TSPAN14: variants seen among roughly 807,000 people sequenced by gnomAD.
The protein encoded by TSPAN14 is tetraspanin 14.
Under a neutral mutation model 36.6 loss-of-function variants are expected in TSPAN14, and 16 were observed. The ratio of observed to expected loss-of-function variants is 0.44; its 90% CI spans 0.30 to 0.66. TSPAN14 has a LOEUF of 0.66. Ranked by LOEUF, TSPAN14 falls within the 30% of genes least tolerant of loss-of-function variation. The pLI is 0.12. For synonymous variants in TSPAN14, 139 were observed against 143.8 expected, an observed-to-expected ratio of 0.97 and a Z score of 0.24; for missense variants, 231 against 355.1, an observed-to-expected ratio of 0.65 and a Z score of 2.81.
At chr10:80,457,574 G>GTGGA (rs1351254544) in intron 1 of TSPAN14, among the ~76,000 whole-genome samples, 1 of 152,244 alleles carries the variant, frequency 6.6e-6, no homozygotes, top group Non-Finnish European at 1.5e-5. Context: ...CTGGCCCACA[G>GTGGA]TGGAACTAAT....
chr10:80,468,293 A>G (rs1846350318), intron 1 of TSPAN14, among the ~76,000 whole-genome samples: 1 of 152,028 alleles, frequency 6.6e-6, no homozygotes, highest in African/African-American at 2.4e-5. Flanking sequence ...TTCTGCCGGC[A>G]CGAACACAGG....
intron 1 of TSPAN14, among the ~76,000 whole-genome samples, chr10:80,481,253 A>C (rs998887952): frequency 1.3e-5 from 2 of 152,222 alleles, no homozygotes; most frequent in Non-Finnish European, 2.9e-5. Flanking sequence ...AATTCTGTGC[A>C]CTGGTCCAGA....
intron 7 of TSPAN14, chr10:80,515,900 CT>C: frequency 3.0e-6 from 1 of 333,000 alleles, no homozygotes; most frequent in East Asian, 5.3e-5. Context: ...AGCCCCTTCT[CT>C]TTCTCCAGAT....
rs528194058 is a variant in TSPAN14, at chr10:80,520,206, C to T, written c.*2230C>T. 68 of 178,152 alleles carry T rather than the reference C, an allele frequency of 3.8e-4. 2 individuals are homozygous for T. In the South Asian group the frequency reaches 7.4e-3, roughly 19 times the overall value. 11.0% of individuals were successfully genotyped at this position (178,152 alleles called of 1,614,324 possible). Reference sequence around the variant, plus strand: ...TCCCTGCCAGAGCTCCTGGAAGGCTCCTGCAGGCCTGACCCATCTATTCCT... The same window carrying T: ...TCCCTGCCAGAGCTCCTGGAAGGCTTCTGCAGGCCTGACCCATCTATTCCT... On this transcript the variant is annotated 3_prime_UTR_variant, in exon 9 of 9. Coordinates refer to ENST00000429989, the Ensembl canonical transcript of TSPAN14.
At chr10:80,478,249 C>T (rs1201751488) in intron 1 of TSPAN14, among the ~76,000 whole-genome samples, 2 of 151,922 alleles carry the variant, frequency 1.3e-5, no homozygotes, top group Admixed American at 6.6e-5. Flanking sequence ...AAAATAAGAG[C>T]AGAGCAAAGA....
intron 2 of TSPAN14, among the ~76,000 whole-genome samples, chr10:80,500,558 A>ACCT (rs1320954981): frequency 6.6e-6 from 1 of 151,658 alleles, no homozygotes; most frequent in African/African-American, 2.4e-5. Context: ...CAAACTCTTG[A>ACCT]CCTCAGGTGA....
rs1056404202 is a variant in TSPAN14, at chr10:80,493,156, C to T, written c.81+3842C>T. On this transcript the variant is annotated intron_variant, in intron 2 of 8. Coordinates refer to ENST00000429989, the Ensembl canonical transcript of TSPAN14. The stretch of plus-strand genomic sequence containing the variant: ...GGTTGTGCTAGACCTGTTTTTAGTG[C>T]AAAAATCTCACTTTGACTTAGGAAA... Among the ~76,000 whole-genome samples the T allele has an allele frequency of 2.0e-5, 3 of 152,052 alleles. No homozygotes were observed. In the East Asian group the frequency reaches 5.8e-4, roughly 29 times the overall value.
chr10:80,473,844 C>T (rs1846703386), intron 1 of TSPAN14, among the ~76,000 whole-genome samples: 1 of 151,896 alleles, frequency 6.6e-6, no homozygotes, highest in Non-Finnish European at 1.5e-5. Context: ...ATGGACAGTT[C>T]TGGCTCTAAG....
intron 1 of TSPAN14, among the ~76,000 whole-genome samples, chr10:80,482,731 C>CTTTTT (rs1847353650): frequency 7.5e-6 from 1 of 132,732 alleles, no homozygotes; most frequent in East Asian, 2.0e-4. Context: ...CTTTTCTTTT[C>CTTTTT]CTTTTTTTTT....
intron 5 of TSPAN14, among the ~76,000 whole-genome samples, chr10:80,511,711 CCTCTCTCTCTCTCTCTCTCTCTCTCTCT>C (rs56307745): frequency 0.094 from 2,414 of 25,808 alleles, 64 homozygotes; most frequent in Middle Eastern, 0.16. Context: ...AAGGGCAGGT[CCTCTCTCTCTCTCTCTCTCTCTCTCTCT>C]CTCTCTCTCT....
At chr10:80,467,915 C>T (rs985403691) in intron 1 of TSPAN14, among the ~76,000 whole-genome samples, 1 of 152,138 alleles carries the variant, frequency 6.6e-6, no homozygotes, top group African/African-American at 2.4e-5. Flanking sequence ...AAGTGGAATC[C>T]AGGGAGAGGG....
intron 1 of TSPAN14, among the ~76,000 whole-genome samples, chr10:80,468,955 C>T (rs1846388554): frequency 6.6e-6 from 1 of 152,160 alleles, no homozygotes; most frequent in Non-Finnish European, 1.5e-5. Flanking sequence ...GTTTTGCAGT[C>T]TTTACCCACT....
At chr10:80,504,400 T>C (rs943076744) in intron 2 of TSPAN14, among the ~76,000 whole-genome samples, 1 of 152,200 alleles carries the variant, frequency 6.6e-6, no homozygotes, top group African/African-American at 2.4e-5. Flanking sequence ...CACCAGATAG[T>C]GCACTGAAAT....
At chr10:80,490,412 G>A (rs972232631) in intron 2 of TSPAN14, among the ~76,000 whole-genome samples, 6 of 152,162 alleles carry the variant, frequency 3.9e-5, no homozygotes, top group African/African-American at 1.2e-4. Flanking sequence ...GTTGGGTCGA[G>A]GAAGAAAACC....
At chr10:80,488,212 T>G (rs1486039986) in intron 1 of TSPAN14, among the ~76,000 whole-genome samples, 1 of 152,006 alleles carries the variant, frequency 6.6e-6, no homozygotes, top group Non-Finnish European at 1.5e-5. Context: ...CTTGAGGCAC[T>G]CCCTCCTTCC....
At chr10:80,454,428 G>A (rs1460418338) in intron 1 of TSPAN14, 57 bp downstream of exon 1, 1 of 152,138 alleles carries the variant, frequency 6.6e-6, no homozygotes, top group Non-Finnish European at 1.5e-5. Flanking sequence ...TTCTTTGTCT[G>A]AGGCCGACTT....
At chr10:80,499,517 C>G (rs1272565294) in intron 2 of TSPAN14, among the ~76,000 whole-genome samples, 1 of 152,140 alleles carries the variant, frequency 6.6e-6, no homozygotes. Context: ...TTCCTACATC[C>G]CCGGGCTCTT....
At chr10:80,457,405 T>C (rs7903798) in intron 1 of TSPAN14, among the ~76,000 whole-genome samples, 21,590 of 152,074 alleles carry the variant, frequency 0.14, 1,838 homozygotes, top group African/African-American at 0.24. Flanking sequence ...GCCAGGCTGG[T>C]CTTGAACTCC....
chr10:80,496,822 T>G (rs1848221507), intron 2 of TSPAN14, among the ~76,000 whole-genome samples: 1 of 152,192 alleles, frequency 6.6e-6, no homozygotes, highest in South Asian at 2.1e-4. Flanking sequence ...GTATTTTTTA[T>G]GTCTCCAATT....
Sources: gnomAD v4.1 joint callset for allele counts (sites outside exome capture counted in the v4.1 genomes callset) on GRCh38, gnomAD v4.1.1 for gene constraint, MANE v1.5 for transcripts, NCBI Gene and HGNC (gene_info 2026-07-23, HGNC 2026-07-21) for gene names.